The following SKAP1 variants were observed in gnomAD, a reference collection of about 807,000 sequenced individuals.
SKAP1 encodes src kinase associated phosphoprotein 1.
SKAP1 carries 44 observed loss-of-function variants against 58.5 expected under a neutral mutation model. The ratio of observed to expected loss-of-function variants is 0.75; its 90% CI spans 0.59 to 0.97. The LOEUF (loss-of-function observed/expected upper bound fraction) is 0.97. Among genes scored for constraint, SKAP1 ranks in the 50% least tolerant of loss-of-function variants. The probability of loss-of-function intolerance (pLI) is 0.00; values close to 1 mark genes in which losing one functional copy is unlikely to be tolerated. For missense variants in SKAP1, 390 were observed against 435.2 expected, an observed-to-expected ratio of 0.90 and a Z score of 0.92; for synonymous variants, 127 against 149.7, an observed-to-expected ratio of 0.85 and a Z score of 1.11.
intron 4 of SKAP1, among the ~76,000 whole-genome samples, chr17:48,280,620 A>G (rs2144031909): frequency 6.6e-6 from 1 of 152,350 alleles, no homozygotes; most frequent in South Asian, 2.1e-4. Flanking sequence ...AAATCAAGAT[A>G]TAGAATATTT....
intron 4 of SKAP1, among the ~76,000 whole-genome samples, chr17:48,337,988 C>T (rs2066596476): frequency 6.6e-6 from 1 of 151,776 alleles, no homozygotes. Flanking sequence ...TATCTTCCTT[C>T]CTTCCTTCCT....
intron 4 of SKAP1, among the ~76,000 whole-genome samples, chr17:48,196,182 C>T (rs1057443556): frequency 6.6e-6 from 1 of 152,168 alleles, no homozygotes; most frequent in Non-Finnish European, 1.5e-5. Context: ...ATAGCCCATG[C>T]TGTTTCCAAT....
chr17:48,251,742 A>G lies in SKAP1; in HGVS notation c.281-62242T>C, dbSNP rs140342947. ...TTTTCTAAAGGACATTAAAGATTAGAAATTTCATGTATCACCTCCTGACCT... is the reference window on the plus strand; with the variant it reads ...TTTTCTAAAGGACATTAAAGATTAGGAATTTCATGTATCACCTCCTGACCT... On this transcript the variant is annotated intron_variant, in intron 4 of 12. Transcript: ENST00000336915. Among the ~76,000 whole-genome samples, 75 of 152,354 alleles carry G rather than the reference A, an allele frequency of 4.9e-4. 1 individual carries two copies. The highest frequency in any genetic ancestry group is 1.3e-3 in the Admixed American group (20 of 15,304).
intron 2 of SKAP1, chr17:48,382,656 T>C (rs2067230368): frequency 6.6e-6 from 1 of 152,350 alleles, no homozygotes; most frequent in East Asian, 1.9e-4. Flanking sequence ...AGAAAAGGCA[T>C]CCTCTGTTAC....
chr17:48,434,791 T>C (rs1026741525), upstream of SKAP1, among the ~76,000 whole-genome samples: 2 of 152,146 alleles, frequency 1.3e-5, no homozygotes, highest in Non-Finnish European at 1.5e-5. Flanking sequence ...AGATAGATAG[T>C]TACAGCCTAG....
chr17:48,363,874 T>C, intron 2 of SKAP1, 60 bp from the exon 3 acceptor site: 1 of 1,505,394 alleles, frequency 6.6e-7, no homozygotes, highest in Admixed American at 1.8e-5. Context: ...TCAATTTTGG[T>C]TGGCCTACCA....
In SKAP1 at chr17:48,369,111, A is replaced by C. The variant is rs539857591; in HGVS notation, c.153-5297T>G. ...GCAGTGAGCCGAGATCGCGCCATGC[A>C]CTCCAGCCTTGGCAACAGAGACAGA... On this transcript the variant is annotated intron_variant, in intron 2 of 12. Coordinates refer to ENST00000336915, the MANE Select transcript of SKAP1 (RefSeq NM_003726.4). Among the ~76,000 whole-genome samples, 284 of 151,888 alleles carry C rather than the reference A, an allele frequency of 1.9e-3. 1 individual carries two copies. The highest frequency in any genetic ancestry group is 6.7e-3 in the African/African-American group (278 of 41,320).
chr17:48,282,402 C>G (rs898131380), intron 4 of SKAP1, among the ~76,000 whole-genome samples: 2 of 152,082 alleles, frequency 1.3e-5, no homozygotes, highest in Admixed American at 1.3e-4. Flanking sequence ...AAAAATAGTA[C>G]AGAGTTCTCA....
chr17:48,438,146 C>T, the SKAP1 span, among the ~76,000 whole-genome samples: 2 of 152,176 alleles, frequency 1.3e-5, no homozygotes, highest in African/African-American at 2.4e-5. Context: ...CTCAAATCTG[C>T]CACCGCTTGC....
intron 2 of SKAP1, among the ~76,000 whole-genome samples, chr17:48,365,279 G>A (rs2066987886): frequency 6.6e-6 from 1 of 152,116 alleles, no homozygotes; most frequent in Non-Finnish European, 1.5e-5. Flanking sequence ...CAAAATAGCA[G>A]TGGTGGAAAG....
At chr17:48,261,679 T>G (rs2143932731) in intron 4 of SKAP1, among the ~76,000 whole-genome samples, 1 of 152,248 alleles carries the variant, frequency 6.6e-6, no homozygotes, top group South Asian at 2.1e-4. Flanking sequence ...AATTCTCAAA[T>G]TCAGGAAGAA....
At chr17:48,405,010 C>T (rs2067551571) in intron 1 of SKAP1, among the ~76,000 whole-genome samples, 1 of 151,906 alleles carries the variant, frequency 6.6e-6, no homozygotes, top group Admixed American at 6.6e-5. Flanking sequence ...AAGTACAATC[C>T]ACAATAGATA....
intron 4 of SKAP1, among the ~76,000 whole-genome samples, chr17:48,296,842 A>C (rs1439369557): frequency 1.3e-5 from 2 of 151,994 alleles, no homozygotes; most frequent in Non-Finnish European, 2.9e-5. Context: ...ATCATCTTTA[A>C]TTAGGAAAAA....
chr17:48,215,869 A>G (rs900457279), intron 4 of SKAP1, among the ~76,000 whole-genome samples: 6 of 151,934 alleles, frequency 3.9e-5, no homozygotes, highest in Admixed American at 3.3e-4. Context: ...CTTTCCTTTC[A>G]CTGTGTAAGA....
chr17:48,227,628 C>A (rs2065084021), intron 4 of SKAP1, among the ~76,000 whole-genome samples: 1 of 151,976 alleles, frequency 6.6e-6, no homozygotes, highest in Admixed American at 6.5e-5. Context: ...AGAGGATTGG[C>A]ATTTTGGAAT....
At chr17:48,356,392 T>A (rs1217567212) in intron 3 of SKAP1, among the ~76,000 whole-genome samples, 1 of 152,146 alleles carries the variant, frequency 6.6e-6, no homozygotes, top group Non-Finnish European at 1.5e-5. Context: ...TTGGAAAGCT[T>A]CTTTATTAAA....
At chr17:48,233,964 G>A (rs957115389) in intron 4 of SKAP1, among the ~76,000 whole-genome samples, 14 of 152,104 alleles carry the variant, frequency 9.2e-5, no homozygotes, top group African/African-American at 3.1e-4. Context: ...TGAGTGTTTG[G>A]TTTTTTTGGC....
intron 5 of SKAP1, 28 bp downstream of exon 5, chr17:48,189,395 T>C (rs377070007): frequency 6.4e-7 from 1 of 1,567,492 alleles, no homozygotes; most frequent in African/African-American, 1.4e-5. Context: ...TCCTGGAATG[T>C]TCTGAAATCT....
chr17:48,219,413 T>C (rs924950722), intron 4 of SKAP1, among the ~76,000 whole-genome samples: 2 of 152,250 alleles, frequency 1.3e-5, no homozygotes, highest in South Asian at 2.1e-4. Flanking sequence ...GCACCAGTTC[T>C]GCCTATTTCT....
Sources: allele counts gnomAD v4.1 joint callset (sites outside exome capture counted in the v4.1 genomes callset), GRCh38; gene constraint gnomAD v4.1.1; transcripts MANE v1.5; gene names NCBI Gene and HGNC (gene_info 2026-07-23, HGNC 2026-07-21).